MRPL2: variants seen among roughly 807,000 people sequenced by gnomAD.
MRPL2 encodes the protein large ribosomal subunit protein uL2m.
Under a neutral mutation model 34.6 loss-of-function variants are expected in MRPL2, and 27 were observed. That is an observed-to-expected ratio of 0.78 (90% CI 0.58 to 1.08). MRPL2 has a LOEUF of 1.08. Ranked by LOEUF, MRPL2 falls within the 50% of genes least tolerant of loss-of-function variation. The pLI is 0.00. For missense variants in MRPL2, 414 were observed against 419.3 expected (o/e 0.99, Z 0.11); for synonymous variants, 155 against 158.0 (o/e 0.98, Z 0.14).
At chr6:43,055,358 C>T (rs9471998) in intron 6 of MRPL2, among the ~76,000 whole-genome samples, 187 bp downstream of exon 6, 34,872 of 149,542 alleles carry the variant, frequency 0.23, 6,529 homozygotes, top group African/African-American at 0.52. Context: ...GACTCTGTCT[C>T]GAAAAAAAAA....
In MRPL2 at chr6:43,054,056, C is replaced by G; in HGVS notation, c.*218G>C. 1 of 642,142 alleles carries G rather than the reference C, an allele frequency of 1.6e-6. No individual in the cohort carries two copies. The highest frequency in any genetic ancestry group is 2.6e-6 in the Non-Finnish European group (1 of 377,430). The allele number at this position is 642,142 out of a possible 1,614,324, so 39.8% of individuals were successfully genotyped here. The stretch of plus-strand genomic sequence containing the variant: ...CCTTGGACGTCATTTATTTCCATCC[C>G]CGGCTCCATTACTTGTAAGGGAATT... On this transcript the variant is annotated 3_prime_UTR_variant, in exon 7 of 7. Coordinates refer to ENST00000388752, the MANE Select transcript of MRPL2 (RefSeq NM_015950.5).
In MRPL2 at chr6:43,054,211, A is replaced by G; in HGVS notation, c.*63T>C. 8.0e-7 allele frequency: 1 copy of G among 1,255,062 alleles called. No individual in the cohort carries two copies. Among genetic ancestry groups the G allele is most frequent in the Admixed American group, 2.3e-5 (1 of 43,104 alleles). The allele number at this position is 1,255,062 out of a possible 1,614,324, so 77.7% of individuals were successfully genotyped here. A position where few individuals can be genotyped will look rare whatever the true frequency, so the allele number is the denominator to read the frequency against. ...CAACAAAAAAAACAAAAAACACCCA[A>G]AACAAAACCACAGTAACAGATTAAA... is the stretch of plus-strand genomic sequence containing the variant. On this transcript the variant is annotated 3_prime_UTR_variant, in exon 7 of 7. Transcript: ENST00000388752.
At chr6:43,055,834 C>T (rs1480512291) in intron 5 of MRPL2, 63 bp downstream of exon 5, 4 of 1,483,260 alleles carry the variant, frequency 2.7e-6, no homozygotes, top group Middle Eastern at 1.9e-4. Flanking sequence ...GATGTGGAAC[C>T]ATGGGTTCAG....
chr6:43,058,733 G>A (rs1764973162), intron 1 of MRPL2, among the ~76,000 whole-genome samples: 1 of 152,198 alleles, frequency 6.6e-6, no homozygotes, highest in Non-Finnish European at 1.5e-5. Context: ...TCTTTTGTGT[G>A]ACTCACCAGT....
rs1764877103 is a variant in MRPL2 at position 43,056,303 on chromosome 6, T to A, written c.404+4A>T. The stretch of plus-strand genomic sequence containing the variant: ...TCCATCATCATCCCACATCCCAAAC[T>A]TGCCTACAGGGATCATAGCGGACTT... On this transcript the variant is annotated splice_donor_region_variant and intron_variant, in intron 3 of 6. Transcript: ENST00000388752. The A allele has an allele frequency of 1.2e-6, 2 of 1,614,078 alleles. No individual in the cohort carries two copies.
intron 1 of MRPL2, among the ~76,000 whole-genome samples, chr6:43,058,737 C>T (rs766539800): frequency 2.6e-5 from 4 of 152,224 alleles, no homozygotes; most frequent in Non-Finnish European, 4.4e-5. Flanking sequence ...TTGTGTGACT[C>T]ACCAGTCACC....
chr6:43,059,271 G>A lies in MRPL2; in HGVS notation c.96+15C>T, dbSNP rs950979719. On this transcript the variant is annotated intron_variant, in intron 1 of 6. Coordinates refer to ENST00000388752, the MANE Select transcript of MRPL2 (RefSeq NM_015950.5). ...CCGAATGGAAGCAGCCTTCTTCCCGGGTAAGATGGATTACCTGGGCGGCGG... is the reference window on the plus strand; with the variant it reads ...CCGAATGGAAGCAGCCTTCTTCCCGAGTAAGATGGATTACCTGGGCGGCGG... The A allele has an allele frequency of 1.9e-6, 3 of 1,551,246 alleles. No individual in the cohort carries two copies. In the African/African-American group the frequency reaches 4.1e-5, roughly 21 times the overall value.
rs546461087 is a variant in MRPL2 at position 43,058,340 on chromosome 6, C to G, written c.97-107G>C. On this transcript the variant is annotated intron_variant, in intron 1 of 6. Coordinates refer to ENST00000388752, the MANE Select transcript of MRPL2 (RefSeq NM_015950.5). Reference sequence around the variant, plus strand: ...AATTTTAGCTTGTAGCCCACTTCCTCCTGGATGTATCCCAAACCAGCTATC... The same window carrying G: ...AATTTTAGCTTGTAGCCCACTTCCTGCTGGATGTATCCCAAACCAGCTATC... 94 of 1,059,704 alleles carry G rather than the reference C, an allele frequency of 8.9e-5. No homozygotes were observed. The African/African-American group carries it at 1.4e-3, about 15-fold the overall frequency. The allele number at this position is 1,059,704 out of a possible 1,614,324, so 65.6% of individuals were successfully genotyped here. A position where few individuals can be genotyped will look rare whatever the true frequency, so the allele number is the denominator to read the frequency against.
At position 43,054,444 on chromosome 6, in the gene MRPL2, C is replaced by A. The variant is rs1173130063; in HGVS notation, c.748G>T (p.Val250Phe). 1.2e-6 allele frequency: 2 copies of A among 1,614,096 alleles called. No individual in the cohort carries two copies. The highest frequency in any genetic ancestry group is 1.7e-6 in the Non-Finnish European group (2 of 1,180,046). ...CCAATGACCCGTTTGTTATGATCAA[C>A]GTTGGATACTCGGCCTACTGTTGCT... is the stretch of plus-strand genomic sequence containing the variant. ...CVATVGRVSNVDHNKRVIGKA... is the reference protein window; with the variant it reads ...CVATVGRVSNFDHNKRVIGKA... The change falls in exon 7 of 7, where the codon GTT becomes TTT. Residue 250 changes from valine (V) to phenylalanine (F), a missense_variant. By Grantham distance (50) the Val-to-Phe change is conservative. Coordinates refer to ENST00000388752, the MANE Select transcript of MRPL2 (RefSeq NM_015950.5).
In MRPL2 at chr6:43,054,229, A is replaced by C. The variant is rs1764723471; in HGVS notation, c.*45T>G. 2 of 1,253,888 alleles carry C rather than the reference A, an allele frequency of 1.6e-6. No individual in the cohort carries two copies. The highest frequency in any genetic ancestry group is 2.8e-5 in the South Asian group (2 of 71,090). 77.7% of individuals were successfully genotyped at this position (1,253,888 alleles called of 1,614,324 possible). A position where few individuals can be genotyped will look rare whatever the true frequency, so the allele number is the denominator to read the frequency against. On this transcript the variant is annotated 3_prime_UTR_variant, in exon 7 of 7. Transcript: ENST00000388752. ...ACACCCAAAACAAAACCACAGTAAC[A>C]GATTAAAACGGGGGGGGGGGGCATT...
chr6:43,059,600 G>A (rs1463567171), upstream of MRPL2: 35 of 706,882 alleles, frequency 5.0e-5, no homozygotes, highest in South Asian at 4.4e-4. Context: ...CCCCAGACCC[G>A]TCAAAACAAT....
Position 43,056,439 on chromosome 6 carries a change from A to T in MRPL2, c.272T>A (p.Ile91Asn). The T allele has an allele frequency of 6.2e-7, 1 of 1,614,186 alleles. No individual in the cohort carries two copies. The change falls in exon 3 of 7, where the codon ATC becomes AAC. Residue 91 changes from isoleucine to asparagine, a missense_variant. Ile to Asn is a moderately radical substitution (Grantham distance 149). Transcript: ENST00000388752. ...KSGGRDHTGR[I>N]RVHGIGGGHK... ...GCCCCCGCCAATACCATGCACCCGG[A>T]TTCGGCCTGTGGTTTAGGACAGTTG...
At position 43,054,468 on chromosome 6, in the gene MRPL2, C is replaced by G. The variant is rs753817633; in HGVS notation, c.724G>C (p.Ala242Pro). Residue 242 changes from alanine (A) to proline (P), a missense_variant, in exon 7 of 7, where the codon GCA becomes CCA. Ala to Pro is a conservative substitution (Grantham distance 27). Coordinates refer to ENST00000388752, the MANE Select transcript of MRPL2 (RefSeq NM_015950.5). ...ACGTTGGATACTCGGCCTACTGTTGCTACGCACGTTTCCAGCACCTGACAG... is the reference window on the plus strand; with the variant it reads ...ACGTTGGATACTCGGCCTACTGTTGGTACGCACGTTTCCAGCACCTGACAG... ...RQMQVLETCV[A>P]TVGRVSNVDH... is the part of the protein sequence containing the mutation. 1.9e-6 allele frequency: 3 copies of G among 1,614,174 alleles called. No homozygotes were observed. The South Asian group carries it at 3.3e-5, about 18-fold the overall frequency.
In MRPL2 at chr6:43,059,403, AG is replaced by A; in HGVS notation, c.-23del. ...CCATCAGCACGACACCCTTACTTTT[AG>A]CCAAGCTGCTCGGTGCTCCTAGATG... On this transcript the variant is annotated 5_prime_UTR_variant, in exon 1 of 7. Coordinates refer to ENST00000388752, the MANE Select transcript of MRPL2 (RefSeq NM_015950.5). The A allele has an allele frequency of 6.5e-7, 1 of 1,527,344 alleles. No homozygotes were observed. The highest frequency in any genetic ancestry group is 8.8e-7 in the Non-Finnish European group (1 of 1,131,484). The allele number at this position is 1,527,344 out of a possible 1,614,324, so 94.6% of individuals were successfully genotyped here. A position where few individuals can be genotyped will look rare whatever the true frequency, so the allele number is the denominator to read the frequency against.
upstream of MRPL2, chr6:43,059,679 ATTGCAGGTGAGTCT>A: frequency 7.5e-7 from 1 of 1,336,822 alleles, no homozygotes; most frequent in South Asian, 2.0e-5. Context: ...ACACCGGCAG[ATTGCAGGTGAGTCT>A]TTGAGGGTAT....
intron 2 of MRPL2, among the ~76,000 whole-genome samples, chr6:43,057,018 T>C (rs1027650958): frequency 1.3e-5 from 2 of 152,054 alleles, no homozygotes; most frequent in Admixed American, 1.3e-4. Context: ...CTGAGAGCCA[T>C]GTAAATCATA....
In MRPL2 at chr6:43,058,173, C is replaced by A. The variant is rs1056588689; in HGVS notation, c.157G>T (p.Val53Phe). The change falls in exon 2 of 7, where the codon GTT (valine) becomes TTT (phenylalanine). Residue 53 changes from valine to phenylalanine, a missense_variant. Coordinates refer to ENST00000388752, the MANE Select transcript of MRPL2 (RefSeq NM_015950.5). Reference sequence around the variant, plus strand: ...GCATTAAGGGCCACAGAAGTAAGAACTGGGCGGCAGGGGAGCAACATCAAG... The same window carrying A: ...GCATTAAGGGCCACAGAAGTAAGAAATGGGCGGCAGGGGAGCAACATCAAG... The part of the protein sequence containing the change: ...SALMLLPCRP[V>F]LTSVALNANF... 1.2e-6 allele frequency: 2 copies of A among 1,614,078 alleles called. No individual in the cohort carries two copies. Among genetic ancestry groups the A allele is most frequent in the African/African-American group, 2.7e-5 (2 of 74,934 alleles).
rs763502351 is a variant in MRPL2 at position 43,054,245 on chromosome 6, G to GT, written c.*28_*29insA. On this transcript the variant is annotated 3_prime_UTR_variant, in exon 7 of 7. Transcript: ENST00000388752. The stretch of plus-strand genomic sequence containing the variant: ...CACAGTAACAGATTAAAACGGGGGG[G>GT]GGGGGCATTTTATTAGAGTACAGGG... The GT allele has an allele frequency of 1.1e-5, 16 of 1,397,198 alleles. No homozygotes were observed. The highest frequency in any genetic ancestry group is 1.5e-5 in the Non-Finnish European group (15 of 1,023,166). 86.6% of individuals were successfully genotyped at this position (1,397,198 alleles called of 1,614,324 possible).
At chr6:43,057,725 C>T (rs537408913) in intron 2 of MRPL2, 47 of 327,586 alleles carry the variant, frequency 1.4e-4, no homozygotes, top group African/African-American at 8.5e-4. Context: ...GTGATCTGCC[C>T]GCCTCGGCCT....
Sources: allele counts gnomAD v4.1 joint callset (sites outside exome capture counted in the v4.1 genomes callset), GRCh38; gene constraint gnomAD v4.1.1; transcripts MANE v1.5; gene names NCBI Gene and HGNC (gene_info 2026-07-23, HGNC 2026-07-21).